DHX35: variants seen among roughly 807,000 people sequenced by gnomAD.
The protein encoded by DHX35 is DEAH-box helicase 35.
DHX35 carries 84 observed loss-of-function variants against 99.6 expected under a neutral mutation model. The ratio of observed to expected loss-of-function variants is 0.84; its 90% confidence interval spans 0.71 to 1.01. The LOEUF is 1.01. Ranked by LOEUF, DHX35 falls within the 50% of genes least tolerant of loss-of-function variation. The pLI is 0.00. For synonymous variants in DHX35, 331 were observed against 316.2 expected, an observed-to-expected ratio of 1.05 and a Z score of -0.50; for missense variants, 852 against 888.5, an observed-to-expected ratio of 0.96 and a Z score of 0.52.
chr20:39,014,715 A>G (rs555818232), intron 13 of DHX35, among the ~76,000 whole-genome samples, 165 bp from the exon 14 acceptor site: 16 of 152,308 alleles, frequency 1.1e-4, no homozygotes, highest in Admixed American at 3.3e-4. Context: ...GCCTAGAAGG[A>G]CAGGAAGGAC....
intron 13 of DHX35, among the ~76,000 whole-genome samples, 159 bp downstream of exon 13, chr20:39,010,563 G>GA (rs1364674447): frequency 1.3e-5 from 2 of 152,166 alleles, no homozygotes; most frequent in Admixed American, 1.3e-4. Context: ...GGACGTAGGG[G>GA]AAAACAGCCA....
chr20:39,001,634 C>T, intron 8 of DHX35, 96 bp from the exon 9 acceptor site: 2 of 890,768 alleles, frequency 2.2e-6, no homozygotes, highest in Non-Finnish European at 1.7e-6. Context: ...TGCTACTCAC[C>T]TGTCTTTGGC....
intron 14 of DHX35, among the ~76,000 whole-genome samples, chr20:39,018,161 G>A (rs903611619): frequency 6.6e-6 from 1 of 152,166 alleles, no homozygotes; most frequent in Admixed American, 6.5e-5. Flanking sequence ...AATTCAAGGT[G>A]AGATTTGGGT....
intron 20 of DHX35, 55 bp downstream of exon 20, chr20:39,030,830 G>A (rs1429949922): frequency 1.3e-6 from 2 of 1,573,164 alleles, no homozygotes; most frequent in African/African-American, 2.7e-5. Flanking sequence ...CCATGTTCTT[G>A]TTTTTCTCCT....
chr20:38,986,422 A>G (rs2086250242), intron 4 of DHX35, among the ~76,000 whole-genome samples: 1 of 152,218 alleles, frequency 6.6e-6, no homozygotes, highest in Admixed American at 6.5e-5. Flanking sequence ...TCAAATAGTG[A>G]AGGAGTAAGA....
At position 39,037,762 on chromosome 20, in the gene DHX35, A is replaced by G. The variant is rs533146766; in HGVS notation, c.2068-737A>G. Among the ~76,000 whole-genome samples the G allele has an allele frequency of 2.6e-5, 4 of 152,206 alleles. No individual in the cohort carries two copies. In the East Asian group the frequency reaches 7.7e-4, roughly 29 times the overall value. On this transcript the variant is annotated intron_variant, in intron 21 of 21. Coordinates refer to ENST00000252011, the MANE Select transcript of DHX35 (RefSeq NM_021931.4). ...GGGAGGTCTTTCATTAAAAGCTTGT[A>G]TTTACACACTCTGCCTCAAAGGCAT...
At chr20:38,978,757 A>T (rs1481277767) in intron 3 of DHX35, among the ~76,000 whole-genome samples, 1 of 152,206 alleles carries the variant, frequency 6.6e-6, no homozygotes, top group Non-Finnish European at 1.5e-5. Flanking sequence ...TATCCAAAAA[A>T]TCCTTGCCCA....
rs1439982096 is a variant in DHX35 at position 38,968,829 on chromosome 20, G to C, written c.41-252G>C. On this transcript the variant is annotated intron_variant, in intron 1 of 21. Transcript: ENST00000252011. ...GGCCTCCCAAAGTGCTGGGATTACA[G>C]GCGTGAGCCACTGCACCTAACCCTG... Among the ~76,000 whole-genome samples the C allele has an allele frequency of 2.0e-5, 3 of 152,352 alleles. No individual in the cohort carries two copies. In the East Asian group the frequency reaches 5.8e-4, roughly 29 times the overall value.
chr20:39,034,108 G>T, intron 20 of DHX35, 98 bp from the exon 21 acceptor site: 1 of 852,316 alleles, frequency 1.2e-6, no homozygotes, highest in South Asian at 1.5e-5. Context: ...ACATAGAGTA[G>T]AACCTGTTAA....
intron 16 of DHX35, among the ~76,000 whole-genome samples, chr20:39,023,399 C>T (rs74785012): frequency 1.4e-3 from 216 of 152,284 alleles, no homozygotes; most frequent in Admixed American, 4.3e-3. Context: ...GACAGGGTCT[C>T]GCCCTGTTGC....
chr20:39,034,573 T>C (rs2087115250), intron 21 of DHX35, among the ~76,000 whole-genome samples: 1 of 150,514 alleles, frequency 6.6e-6, no homozygotes, highest in South Asian at 2.1e-4. Flanking sequence ...TTCTTTCTCC[T>C]TTTGCTCTTC....
At chr20:39,030,922 G>A in intron 20 of DHX35, 147 bp downstream of exon 20, 1 of 818,706 alleles carries the variant, frequency 1.2e-6, no homozygotes. Context: ...CAGCACTTTG[G>A]GAGGCCAATG....
At chr20:38,986,794 C>G (rs1319999464) in intron 4 of DHX35, among the ~76,000 whole-genome samples, 1 of 152,206 alleles carries the variant, frequency 6.6e-6, no homozygotes, top group Non-Finnish European at 1.5e-5. Flanking sequence ...TTTTGAAAGC[C>G]TACATGATAT....
rs1327679773 is a variant in DHX35, at chr20:39,038,496, C to T, written c.2068-3C>T. The T allele has an allele frequency of 4.3e-6, 7 of 1,613,556 alleles. No individual in the cohort carries two copies. Among genetic ancestry groups the T allele is most frequent in the African/African-American group, 1.3e-5 (1 of 74,938 alleles). On this transcript the variant is annotated splice_region_variant and splice_polypyrimidine_tract_variant and intron_variant, in intron 21 of 21. Transcript: ENST00000252011. ...AACTGTAGTGTCTTCTCTTCTGTTG[C>T]AGCACCTGTCTCTGAAAGCCAAAAG...
intron 18 of DHX35, among the ~76,000 whole-genome samples, chr20:39,027,749 T>G (rs2086981136): frequency 6.6e-6 from 1 of 152,266 alleles, no homozygotes; most frequent in South Asian, 2.1e-4. Context: ...GCTGTCCTAA[T>G]TTCAGTGAAT....
At chr20:38,986,545 G>C (rs1163683662) in intron 4 of DHX35, among the ~76,000 whole-genome samples, 1 of 151,994 alleles carries the variant, frequency 6.6e-6, no homozygotes, top group Non-Finnish European at 1.5e-5. Flanking sequence ...GTACATCGTA[G>C]GTGTATATAT....
rs1300921020 is a variant in DHX35, at chr20:38,983,776, A to G, written c.345A>G (p.Thr115=). 1.2e-6 allele frequency: 2 copies of G among 1,612,950 alleles called. No individual in the cohort carries two copies. The highest frequency in any genetic ancestry group is 1.7e-6 in the Non-Finnish European group (2 of 1,179,316). ...VTQPRRVAAV[T]VAGRVAEERG... Reference sequence around the variant, plus strand: ...AGCCTCGAAGAGTGGCTGCTGTTACAGTGAGTTTCTTTTTGTGTTGGAAAG... The same window carrying G: ...AGCCTCGAAGAGTGGCTGCTGTTACGGTGAGTTTCTTTTTGTGTTGGAAAG... Residue 115 remains threonine (T), a splice_region_variant and synonymous_variant, in exon 4 of 22, where the codon ACA becomes ACG. Coordinates refer to ENST00000252011, the MANE Select transcript of DHX35 (RefSeq NM_021931.4).
In DHX35 at chr20:39,006,167, G is replaced by A. The variant is rs755282012; in HGVS notation, c.1033G>A (p.Ala345Thr). ...GTAGGTGATAGTGGCCACCAATGTGGCAGAAACCTCTATCACAATCAGCGG... is the reference window on the plus strand; with the variant it reads ...GTAGGTGATAGTGGCCACCAATGTGACAGAAACCTCTATCACAATCAGCGG... ...VRKVIVATNVAETSITISGIV... is the reference protein window; with the variant it reads ...VRKVIVATNVTETSITISGIV... The change falls in exon 12 of 22, where the codon GCA (alanine) becomes ACA (threonine). Residue 345 changes from alanine to threonine, a missense_variant. Ala to Thr is a moderately conservative substitution (Grantham distance 58). Transcript: ENST00000252011. The A allele has an allele frequency of 6.2e-7, 1 of 1,613,884 alleles. No individual in the cohort carries two copies. Among genetic ancestry groups the A allele is most frequent in the East Asian group, 2.2e-5 (1 of 44,876 alleles).
At chr20:39,015,966 A>T (rs1037330279) in intron 14 of DHX35, among the ~76,000 whole-genome samples, 6 of 152,170 alleles carry the variant, frequency 3.9e-5, no homozygotes, top group South Asian at 2.1e-4. Context: ...ATTGTATAAT[A>T]TGTGGTCTTT....
Sources: allele counts gnomAD v4.1 joint callset (sites outside exome capture counted in the v4.1 genomes callset), GRCh38; gene constraint gnomAD v4.1.1; transcripts MANE v1.5; gene names NCBI Gene and HGNC (gene_info 2026-07-23, HGNC 2026-07-21).